PRDM16: variants seen among roughly 807,000 people sequenced by gnomAD.
PRDM16 encodes the protein PR/SET domain 16.
In PRDM16, 23 loss-of-function variants were observed where a neutral mutation model predicts 110.6. The observed-to-expected ratio is 0.21, with a 90% CI of 0.15 to 0.29. The LOEUF is 0.29. Among genes scored for constraint, PRDM16 ranks in the 10% least tolerant of loss-of-function variants. The pLI, the probability that PRDM16 is intolerant of heterozygous loss-of-function variation, is 1.00. For missense variants in PRDM16, 1,615 were observed against 1,794.3 expected, an observed-to-expected ratio of 0.90 and a Z score of 1.81; for synonymous variants, 799 against 781.8, an observed-to-expected ratio of 1.02 and a Z score of -0.37.
At position 3,157,230 on chromosome 1, in the gene PRDM16, C is replaced by T. The variant is rs376658345; in HGVS notation, c.38-28895C>T. Reference sequence around the variant, plus strand: ...CGCAAGAGCTCAGGCCCTCAGGGAGCGTGGCCAGATCCGGCAGATGAAATC... The same window carrying T: ...CGCAAGAGCTCAGGCCCTCAGGGAGTGTGGCCAGATCCGGCAGATGAAATC... On this transcript the variant is annotated intron_variant, in intron 1 of 16. Coordinates refer to ENST00000270722, the MANE Select transcript of PRDM16 (RefSeq NM_022114.4). The surrounding 1 kb of genome is among the most constrained non-coding windows in gnomAD (Gnocchi z 4.8). 6.6e-6 allele frequency among the ~76,000 whole-genome samples: 1 copy of T among 152,116 alleles called. No homozygotes were observed. Among genetic ancestry groups the T allele is most frequent in the African/African-American group, 2.4e-5 (1 of 41,422 alleles).
intron 3 of PRDM16, among the ~76,000 whole-genome samples, chr1:3,298,765 C>T (rs1641143389): frequency 6.6e-6 from 1 of 152,200 alleles, no homozygotes; most frequent in Admixed American, 6.5e-5. Context: ...AATGCCAGTT[C>T]TGGAGCTGTA....
At chr1:3,279,645 C>T (rs1013037609) in intron 3 of PRDM16, among the ~76,000 whole-genome samples, 7 of 152,310 alleles carry the variant, frequency 4.6e-5, no homozygotes, top group Admixed American at 2.6e-4. Context: ...AGGCTGAGGA[C>T]GGGCAGCCGT....
At chr1:3,094,314 G>A (rs957296801) in intron 1 of PRDM16, among the ~76,000 whole-genome samples, 10 of 152,252 alleles carry the variant, frequency 6.6e-5, no homozygotes, top group African/African-American at 2.2e-4. Context: ...CCCTTGGGCA[G>A]CCACGGAATT....
At chr1:3,321,451 T>TG (rs928874537) in intron 3 of PRDM16, among the ~76,000 whole-genome samples, 2 of 149,476 alleles carry the variant, frequency 1.3e-5, no homozygotes, top group African/African-American at 5.0e-5. Context: ...TTTGTGTTTG[T>TG]GGGGGGCACA....
rs1424243862 is a variant in PRDM16 at position 3,244,202 on chromosome 1, C to G, written c.438+65C>G. The G allele has an allele frequency of 1.4e-6, 2 of 1,464,430 alleles. No individual in the cohort carries two copies. Among genetic ancestry groups the G allele is most frequent in the Non-Finnish European group, 1.9e-6 (2 of 1,047,962 alleles). The allele number at this position is 1,464,430 out of a possible 1,614,324, so 90.7% of individuals were successfully genotyped here. A position where few individuals can be genotyped will look rare whatever the true frequency, so the allele number is the denominator to read the frequency against. On this transcript the variant is annotated intron_variant, in intron 3 of 16. Coordinates refer to ENST00000270722, the MANE Select transcript of PRDM16 (RefSeq NM_022114.4). This position sits in a 1 kb window ranked among gnomAD's most constrained non-coding sequence, Gnocchi z 4.1. ...TCCTCGGAGCTCCTGGCGGGGCGAC[C>G]GCCATCCCAGCTGTCCCTGAGCTAA...
intron 3 of PRDM16, among the ~76,000 whole-genome samples, chr1:3,273,310 G>T (rs923525100): frequency 1.6e-4 from 24 of 152,274 alleles, no homozygotes; most frequent in South Asian, 1.4e-3. Flanking sequence ...TCTGCCATTC[G>T]AGGTGCCTTC....
intron 3 of PRDM16, among the ~76,000 whole-genome samples, chr1:3,311,447 T>A (rs1287849477): frequency 6.6e-6 from 1 of 152,124 alleles, no homozygotes; most frequent in Non-Finnish European, 1.5e-5. Context: ...GGCACCAATC[T>A]GGCCCCGCCA....
chr1:3,200,707 G>A (rs555972125), intron 2 of PRDM16, among the ~76,000 whole-genome samples: 3 of 152,012 alleles, frequency 2.0e-5, no homozygotes, highest in South Asian at 2.2e-4. Flanking sequence ...AAGTATCCCC[G>A]GCACGCGTGG....
At position 3,255,702 on chromosome 1, in the gene PRDM16, C is replaced by G. The variant is rs1348390696; in HGVS notation, c.438+11565C>G. ...CCAGTTTGTCCTGACTGCCTGCCCC[C>G]CTTGGATGCCAGAGCTATCTGGGAG... is the stretch of plus-strand genomic sequence containing the variant. On this transcript the variant is annotated intron_variant, in intron 3 of 16. Coordinates refer to ENST00000270722, the MANE Select transcript of PRDM16 (RefSeq NM_022114.4). The surrounding 1 kb of genome is among the most constrained non-coding windows in gnomAD (Gnocchi z 4.7). Among the ~76,000 whole-genome samples, 1 of 152,196 alleles carries G rather than the reference C, an allele frequency of 6.6e-6. No individual in the cohort carries two copies. Among genetic ancestry groups the G allele is most frequent in the Non-Finnish European group, 1.5e-5 (1 of 68,026 alleles).
chr1:3,283,787 T>C (rs960093658), intron 3 of PRDM16, among the ~76,000 whole-genome samples: 1 of 152,214 alleles, frequency 6.6e-6, no homozygotes, highest in African/African-American at 2.4e-5. Context: ...TCCCGCCTGC[T>C]TCCCCCAGCA....
intron 12 of PRDM16, among the ~76,000 whole-genome samples, chr1:3,419,910 C>T (rs1469382357): frequency 6.6e-6 from 1 of 151,832 alleles, no homozygotes; most frequent in Admixed American, 6.6e-5. Context: ...ACAGCCCTCC[C>T]CAATTCACAG....
At chr1:3,092,498 CTG>C (rs3067390) in intron 1 of PRDM16, among the ~76,000 whole-genome samples, 67,464 of 152,078 alleles carry the variant, frequency 0.44, 15,784 homozygotes, top group Admixed American at 0.52. Flanking sequence ...ATGCTGGGAG[CTG>C]TCTTTTTATT....
intron 3 of PRDM16, among the ~76,000 whole-genome samples, chr1:3,346,036 C>T (rs776402726): frequency 6.6e-6 from 1 of 152,216 alleles, no homozygotes; most frequent in South Asian, 2.1e-4. Flanking sequence ...CATTGAGGGG[C>T]GGGCTCCAAG....
Position 3,146,519 on chromosome 1 carries a change from G to A in PRDM16, c.38-39606G>A, listed in dbSNP as rs148492460. Among the ~76,000 whole-genome samples the A allele has an allele frequency of 7.5e-3, 1,099 of 147,458 alleles. 11 individuals are homozygous for A. The highest frequency in any genetic ancestry group is 0.025 in the African/African-American group (1,013 of 40,426). ...TATATGTGTGCAAGTGTGTGTGCTC[G>A]GTGTGGGGTGTGTGTGCACGTGTGT... On this transcript the variant is annotated intron_variant, in intron 1 of 16. Transcript: ENST00000270722.
At chr1:3,233,201 G>A (rs1039659300) in intron 2 of PRDM16, among the ~76,000 whole-genome samples, 7 of 152,220 alleles carry the variant, frequency 4.6e-5, no homozygotes, top group Non-Finnish European at 8.8e-5. Flanking sequence ...CCCTGCCCAG[G>A]GTGGGGGTGG....
chr1:3,404,793 G>T lies in PRDM16; in HGVS notation c.939G>T (p.Gln313His). ...AGGAGCGCGAGTACAAATGCGACCA[G>T]TGTCCCAAGGCCTTCAACTGGAAGT... ...HTEEREYKCD[Q>H]CPKAFNWKSN... The change falls in exon 7 of 17, where the codon CAG becomes CAT. Residue 313 changes from glutamine (Q) to histidine (H), a missense_variant. Around this residue, in one of 5 missense-constraint regions of PRDM16, gnomAD observed 416 missense variants for 467.1 expected, o/e 0.89. Coordinates refer to ENST00000270722, the MANE Select transcript of PRDM16 (RefSeq NM_022114.4). 1 of 1,613,702 alleles carries T rather than the reference G, an allele frequency of 6.2e-7. No homozygotes were observed. The highest frequency in any genetic ancestry group is 1.6e-4 in the Middle Eastern group (1 of 6,062).
rs757372504 is a variant in PRDM16, at chr1:3,430,887, C to T, written c.3300C>T (p.Ile1100=). 2.2e-5 allele frequency: 36 copies of T among 1,613,970 alleles called. No homozygotes were observed. The highest frequency in any genetic ancestry group is 1.8e-4 in the South Asian group (16 of 91,080). Residue 1100 remains isoleucine, a synonymous_variant, in exon 15 of 17, where the codon ATC becomes ATT. Coordinates refer to ENST00000270722, the MANE Select transcript of PRDM16 (RefSeq NM_022114.4). ...TRTEKRADMQ[I]VDGSAQCPGL... ...ATCATTTCAGGGCGGACATGCAGAT[C>T]GTGGACGGCAGTGCCCAGTGTCCAG...
At chr1:3,259,981 G>A (rs1235148763) in intron 3 of PRDM16, among the ~76,000 whole-genome samples, 1 of 152,020 alleles carries the variant, frequency 6.6e-6, no homozygotes. Flanking sequence ...CAAGCCCCCT[G>A]CACTTCTTTG....
At chr1:3,264,168 C>A (rs1640232182) in intron 3 of PRDM16, among the ~76,000 whole-genome samples, 1 of 152,216 alleles carries the variant, frequency 6.6e-6, no homozygotes, top group South Asian at 2.1e-4. Flanking sequence ...CGAGCAGTTA[C>A]AATAACAGGT....
Sources: allele counts gnomAD v4.1 joint callset (sites outside exome capture counted in the v4.1 genomes callset), GRCh38; gene constraint gnomAD v4.1.1; regional missense constraint gnomAD v4.1.1; non-coding constraint Gnocchi (gnomAD v3.1); transcripts MANE v1.5; gene names NCBI Gene and HGNC (gene_info 2026-07-23, HGNC 2026-07-21).